KCNIP4: variants seen among roughly 807,000 people sequenced by gnomAD.
KCNIP4 encodes the protein potassium voltage-gated channel interacting protein 4.
Under a neutral mutation model 34.0 loss-of-function variants are expected in KCNIP4, and 12 were observed. The observed-to-expected ratio is 0.35, with a 90% CI of 0.23 to 0.57. KCNIP4 has a LOEUF of 0.57. KCNIP4 is among the 20% of genes least tolerant of loss of function. The pLI, the probability that KCNIP4 is intolerant of heterozygous loss-of-function variation, is 0.83. For synonymous variants in KCNIP4, 124 were observed against 102.2 expected, an observed-to-expected ratio of 1.21 and a Z score of -1.29; for missense variants, 238 against 311.7, an observed-to-expected ratio of 0.76 and a Z score of 1.78.
intron 1 of KCNIP4, among the ~76,000 whole-genome samples, chr4:21,106,787 G>C (rs1303479290): frequency 6.6e-6 from 1 of 151,176 alleles, no homozygotes; most frequent in Non-Finnish European, 1.5e-5. Context: ...CAGAGATTCT[G>C]GTATGTTGTG....
chr4:21,471,297 C>A (rs957066751), intron 1 of KCNIP4, among the ~76,000 whole-genome samples: 2 of 152,114 alleles, frequency 1.3e-5, no homozygotes, highest in East Asian at 1.9e-4. Context: ...AATTCAGATT[C>A]TCTTCCCTCA....
intron 1 of KCNIP4, among the ~76,000 whole-genome samples, chr4:21,458,299 C>T (rs978541064): frequency 2.0e-5 from 3 of 151,550 alleles, no homozygotes. Flanking sequence ...CAATTTCATC[C>T]ATGTCCCTAC....
intron 1 of KCNIP4, among the ~76,000 whole-genome samples, chr4:21,104,155 G>C (rs1178989639): frequency 6.8e-6 from 1 of 146,592 alleles, no homozygotes; most frequent in African/African-American, 2.6e-5. Flanking sequence ...CTAAGGAATC[G>C]CCACACTGTC....
Position 20,729,839 on chromosome 4 carries a change from AATATTCACAGAGTATGAAATG to A in KCNIP4, c.*222_*242del. ...TATATGCCAGATTCTATTACTTTTG[AATATTCACAGAGTATGAAATG>A]AGTTAGACCATCCCCTGAACTCAGT... On this transcript the variant is annotated 3_prime_UTR_variant, in exon 9 of 9. Coordinates refer to ENST00000382152, the MANE Select transcript of KCNIP4 (RefSeq NM_025221.6). The A allele has an allele frequency of 2.6e-6, 1 of 383,128 alleles. No homozygotes were observed. The highest frequency in any genetic ancestry group is 4.6e-6 in the Non-Finnish European group (1 of 215,712). The allele number at this position is 383,128 out of a possible 1,614,324, so 23.7% of individuals were successfully genotyped here.
chr4:21,788,708 C>T (rs1437669499), intron 1 of KCNIP4, among the ~76,000 whole-genome samples: 2 of 152,018 alleles, frequency 1.3e-5, no homozygotes, highest in Non-Finnish European at 2.9e-5. Context: ...TCCTTGAGCC[C>T]GACCTACATG....
At chr4:21,656,505 C>G (rs182544565) in intron 1 of KCNIP4, 2 of 152,128 alleles carry the variant, frequency 1.3e-5, no homozygotes, top group Non-Finnish European at 1.5e-5. Flanking sequence ...TATTTGACAC[C>G]GAGCAGTTAG....
At position 21,616,086 on chromosome 4, in the gene KCNIP4, A is replaced by G. The variant is rs533134897; in HGVS notation, c.61+332485T>C. Among the ~76,000 whole-genome samples the G allele has an allele frequency of 7.9e-5, 12 of 152,242 alleles. No homozygotes were observed. The South Asian group carries it at 2.3e-3, about 29-fold the overall frequency. ...TGAGCAAAAAAACATACAAGGCCCT[A>G]CAAGCTCTGGCTCCCCAGTCACTGC... On this transcript the variant is annotated intron_variant, in intron 1 of 8. Coordinates refer to ENST00000382152, the MANE Select transcript of KCNIP4 (RefSeq NM_025221.6).
Position 21,896,917 on chromosome 4 carries a change from A to C in KCNIP4, c.61+51654T>G, listed in dbSNP as rs565393348. Among the ~76,000 whole-genome samples the C allele has an allele frequency of 9.0e-4, 130 of 143,850 alleles. 1 individual carries two copies. The highest frequency in any genetic ancestry group is 3.5e-3 in the Middle Eastern group (1 of 288). The allele number at this position is 143,850 out of a possible 152,430, so 94.4% of individuals were successfully genotyped here. On this transcript the variant is annotated intron_variant, in intron 1 of 8. Transcript: ENST00000382152. ...CTAGGCAACAGAGTAAACTCTCAAA[A>C]AAATACATAAATAAATAATAAATAA... is the stretch of plus-strand genomic sequence containing the variant.
At chr4:21,604,559 G>C (rs1004205173) in intron 1 of KCNIP4, among the ~76,000 whole-genome samples, 2 of 152,050 alleles carry the variant, frequency 1.3e-5, no homozygotes, top group South Asian at 2.1e-4. Flanking sequence ...TGGGACCTTG[G>C]CAAATTGCAG....
At chr4:21,668,501 G>T (rs1749207145) in intron 1 of KCNIP4, among the ~76,000 whole-genome samples, 1 of 152,106 alleles carries the variant, frequency 6.6e-6, no homozygotes, top group Admixed American at 6.5e-5. Context: ...GTATAAAACT[G>T]AAATTAGAAC....
intron 3 of KCNIP4, among the ~76,000 whole-genome samples, chr4:20,838,544 C>T (rs1380367755): frequency 6.6e-6 from 1 of 152,148 alleles, no homozygotes; most frequent in Non-Finnish European, 1.5e-5. Flanking sequence ...TAAGTTTGAG[C>T]CCTTAATGTG....
chr4:21,332,947 T>C (rs1367574475), intron 1 of KCNIP4, among the ~76,000 whole-genome samples: 2 of 152,086 alleles, frequency 1.3e-5, no homozygotes, highest in African/African-American at 4.8e-5. Flanking sequence ...GCTTCAATTA[T>C]TTTCTTTGAA....
At chr4:21,855,987 C>T (rs528785318) in intron 1 of KCNIP4, among the ~76,000 whole-genome samples, 46 of 152,142 alleles carry the variant, frequency 3.0e-4, no homozygotes, top group Non-Finnish European at 5.7e-4. Context: ...AGAGTTTTTA[C>T]TTAACAGTTC....
chr4:20,925,737 A>G (rs1729836480), intron 1 of KCNIP4, among the ~76,000 whole-genome samples: 1 of 152,124 alleles, frequency 6.6e-6, no homozygotes, highest in South Asian at 2.1e-4. Flanking sequence ...GACTTATTAC[A>G]TGCCTATGAT....
intron 1 of KCNIP4, among the ~76,000 whole-genome samples, chr4:21,553,251 C>T (rs913323150): frequency 2.6e-5 from 4 of 152,102 alleles, no homozygotes; most frequent in Admixed American, 2.6e-4. Context: ...CCATAGCAAA[C>T]TTCAAACTGC....
intron 1 of KCNIP4, among the ~76,000 whole-genome samples, chr4:21,626,510 C>CTTGG (rs1745333710): frequency 6.6e-6 from 1 of 151,808 alleles, no homozygotes; most frequent in African/African-American, 2.4e-5. Context: ...GCACATTGAT[C>CTTGG]TTGGACTTCC....
chr4:21,396,556 A>AT (rs1383733329), intron 1 of KCNIP4, among the ~76,000 whole-genome samples: 2 of 150,246 alleles, frequency 1.3e-5, no homozygotes, highest in Non-Finnish European at 3.0e-5. Context: ...CTCCAAAAAA[A>AT]AAAAAAAAAA....
intron 1 of KCNIP4, among the ~76,000 whole-genome samples, chr4:21,311,457 TA>T (rs1238227684): frequency 6.6e-6 from 1 of 152,118 alleles, no homozygotes; most frequent in East Asian, 1.9e-4. Context: ...TTGGGAGGCC[TA>T]GGTGGGCGGA....
At chr4:21,595,383 G>A (rs992568885) in intron 1 of KCNIP4, among the ~76,000 whole-genome samples, 1 of 152,030 alleles carries the variant, frequency 6.6e-6, no homozygotes, top group Admixed American at 6.6e-5. Flanking sequence ...TCTTTATCCA[G>A]TCTATCATTG....
Sources: gnomAD v4.1 joint callset for allele counts (sites outside exome capture counted in the v4.1 genomes callset) on GRCh38, gnomAD v4.1.1 for gene constraint, MANE v1.5 for transcripts, NCBI Gene and HGNC (gene_info 2026-07-23, HGNC 2026-07-21) for gene names.